The following FCRL1 variants were observed in gnomAD, a reference collection of about 807,000 sequenced individuals.
FCRL1 encodes Fc receptor-like protein 1.
A neutral mutation model predicts 49.2 loss-of-function variants in FCRL1; 34 were observed. The ratio of observed to expected loss-of-function variants is 0.69; its 90% confidence interval spans 0.53 to 0.92. The LOEUF (loss-of-function observed/expected upper bound fraction) is 0.92. Ranked by LOEUF, FCRL1 falls within the 40% of genes least tolerant of loss-of-function variation. The pLI is 0.00. For missense variants in FCRL1, 524 were observed against 524.1 expected (o/e 1.00, Z 0.00); for synonymous variants, 218 against 201.6 (o/e 1.08, Z -0.69).
intron 6 of FCRL1, 130 bp from the exon 7 acceptor site, chr1:157,800,215 C>T (rs1412759898): frequency 3.0e-6 from 2 of 657,694 alleles, no homozygotes; most frequent in Middle Eastern, 2.6e-4. Flanking sequence ...CCACTGTGTG[C>T]CCAGCAGACA....
intron 9 of FCRL1, chr1:157,797,560 T>C: frequency 1.6e-6 from 1 of 615,054 alleles, no homozygotes. Context: ...TTATTGTAAC[T>C]ACATGTTTTA....
intron 1 of FCRL1, among the ~76,000 whole-genome samples, chr1:157,819,656 C>T (rs1044602160): frequency 7.9e-5 from 12 of 151,892 alleles, no homozygotes; most frequent in Admixed American, 6.6e-4. Context: ...AAGGAAATAA[C>T]GTTGGTAGTA....
rs1463762418 is a variant in FCRL1, at chr1:157,807,087, G to A, written c.52+15C>T. 5 of 1,613,724 alleles carry A rather than the reference G, an allele frequency of 3.1e-6. No homozygotes were observed. The South Asian group carries it at 4.4e-5, about 14-fold the overall frequency. ...TACCCACAGACCTTGAAGAAGAAAA[G>A]GAAGTGCAACTCACCGGCAGGTTCA... is the stretch of plus-strand genomic sequence containing the variant. On this transcript the variant is annotated intron_variant, in intron 2 of 10. Transcript: ENST00000368176.
intron 2 of FCRL1, among the ~76,000 whole-genome samples, chr1:157,806,068 T>C (rs1251042206): frequency 6.6e-6 from 1 of 152,162 alleles, no homozygotes; most frequent in Non-Finnish European, 1.5e-5. Flanking sequence ...ATCTGGAAAA[T>C]ACCTGGTGAC....
chr1:157,807,909 C>T (rs766506202), intron 1 of FCRL1, among the ~76,000 whole-genome samples: 5 of 152,012 alleles, frequency 3.3e-5, no homozygotes, highest in Admixed American at 1.3e-4. Flanking sequence ...TGGTACCTAC[C>T]TCACAGAGTT....
rs1651377609 is a variant in FCRL1, at chr1:157,795,790, A to G, written c.*309T>C. 4.1e-6 allele frequency: 1 copy of G among 245,476 alleles called. No homozygotes were observed. The allele number at this position is 245,476 out of a possible 1,614,324, so 15.2% of individuals were successfully genotyped here. ...ACTGTCCCTCCAACCCAAGATCCCAATTTCTTTTATTCCATCTTGTTTCCT... is the reference window on the plus strand; with the variant it reads ...ACTGTCCCTCCAACCCAAGATCCCAGTTTCTTTTATTCCATCTTGTTTCCT... On this transcript the variant is annotated 3_prime_UTR_variant, in exon 11 of 11. Coordinates refer to ENST00000368176, the MANE Select transcript of FCRL1 (RefSeq NM_052938.5).
intron 1 of FCRL1, among the ~76,000 whole-genome samples, chr1:157,807,539 G>T (rs927014561): frequency 1.3e-5 from 2 of 152,114 alleles, no homozygotes; most frequent in African/African-American, 4.8e-5. Flanking sequence ...CCTTTCAAAA[G>T]TCTTGAGGAT....
chr1:157,807,668 T>C (rs1653693030), intron 1 of FCRL1, among the ~76,000 whole-genome samples: 1 of 152,168 alleles, frequency 6.6e-6, no homozygotes, highest in South Asian at 2.1e-4. Flanking sequence ...GAGGCTTAGG[T>C]CCAGAAAAGG....
At chr1:157,796,553 A>G (rs1651521199) in intron 10 of FCRL1, among the ~76,000 whole-genome samples, 1 of 152,224 alleles carries the variant, frequency 6.6e-6, no homozygotes. Flanking sequence ...TGGCTGCCAC[A>G]CCACACTAGA....
At chr1:157,797,206 G>T in intron 9 of FCRL1, 74 bp from the exon 10 acceptor site, 3 of 1,348,696 alleles carry the variant, frequency 2.2e-6, no homozygotes, top group Non-Finnish European at 3.2e-6. Context: ...GTTAAGAAAA[G>T]CTTCTTCCTC....
intron 1 of FCRL1, among the ~76,000 whole-genome samples, chr1:157,812,753 A>G (rs1654497907): frequency 6.6e-6 from 1 of 152,152 alleles, no homozygotes; most frequent in Non-Finnish European, 1.5e-5. Context: ...CACTGAGTGC[A>G]GGACCACAAC....
intron 5 of FCRL1, 139 bp downstream of exon 5, chr1:157,801,776 A>G: frequency 9.6e-7 from 1 of 1,040,388 alleles, no homozygotes; most frequent in Non-Finnish European, 1.4e-6. Context: ...CCCCTCCAAT[A>G]CATCACTCAT....
chr1:157,794,729 T>C lies in FCRL1; in HGVS notation c.*1370A>G, dbSNP rs1044616765. 5 of 152,206 alleles carry C rather than the reference T, an allele frequency of 3.3e-5. No individual in the cohort carries two copies. The highest frequency in any genetic ancestry group is 1.2e-4 in the African/African-American group (5 of 41,464). The allele number at this position is 152,206 out of a possible 1,614,324, so 9.4% of individuals were successfully genotyped here. A position where few individuals can be genotyped will look rare whatever the true frequency, so the allele number is the denominator to read the frequency against. ...TGATGAGAAGGATTAAAATATATTA[T>C]GATAGTACTTAATGCCACTGAATTG... is the stretch of plus-strand genomic sequence containing the variant. On this transcript the variant is annotated 3_prime_UTR_variant, in exon 11 of 11. Coordinates refer to ENST00000368176, the MANE Select transcript of FCRL1 (RefSeq NM_052938.5).
intron 2 of FCRL1, among the ~76,000 whole-genome samples, chr1:157,806,399 G>A (rs1170477204): frequency 2.0e-5 from 3 of 152,170 alleles, no homozygotes. Flanking sequence ...GCACAAGATA[G>A]CAATTTTTAC....
At chr1:157,813,014 A>ACACAGCAG (rs1387305909) in intron 1 of FCRL1, among the ~76,000 whole-genome samples, 1 of 152,242 alleles carries the variant, frequency 6.6e-6, no homozygotes, top group East Asian at 1.9e-4. Flanking sequence ...TGAAGAAGTT[A>ACACAGCAG]CACAGAGACC....
intron 3 of FCRL1, 149 bp downstream of exon 3, chr1:157,803,696 C>T (rs777826055): frequency 2.0e-5 from 20 of 1,024,776 alleles, no homozygotes; most frequent in Non-Finnish European, 2.8e-5. Flanking sequence ...AGGGAAGATC[C>T]CTTAAGGATC....
At chr1:157,808,283 G>A (rs1653781006) in intron 1 of FCRL1, among the ~76,000 whole-genome samples, 1 of 152,238 alleles carries the variant, frequency 6.6e-6, no homozygotes, top group South Asian at 2.1e-4. Flanking sequence ...TTCTTTCAGA[G>A]GGTGATTGGT....
At chr1:157,813,172 C>T (rs1182902678) in intron 1 of FCRL1, among the ~76,000 whole-genome samples, 1 of 152,110 alleles carries the variant, frequency 6.6e-6, no homozygotes, top group Non-Finnish European at 1.5e-5. Flanking sequence ...ACCAGATGCA[C>T]AAATGGTAAA....
chr1:157,819,942 C>T (rs1655564762), intron 1 of FCRL1, 65 bp downstream of exon 1: 2 of 1,580,548 alleles, frequency 1.3e-6, no homozygotes, highest in African/African-American at 1.3e-5. Context: ...GTCCTTACAG[C>T]CCTTCAGGAA....
Sources: gnomAD v4.1 joint callset for allele counts (sites outside exome capture counted in the v4.1 genomes callset) on GRCh38, gnomAD v4.1.1 for gene constraint, MANE v1.5 for transcripts, NCBI Gene and HGNC (gene_info 2026-07-23, HGNC 2026-07-21) for gene names.